The following CSRNP1 variants were observed in gnomAD, a reference collection of about 807,000 sequenced individuals.
CSRNP1 encodes the protein cysteine and serine rich nuclear protein 1, also known as cysteine/serine-rich nuclear protein 1.
A neutral mutation model predicts 25.0 loss-of-function variants in CSRNP1; 8 were observed. That is an observed-to-expected ratio of 0.32 (90% confidence interval 0.19 to 0.58). The LOEUF is 0.58. Among genes scored for constraint, CSRNP1 ranks in the 20% least tolerant of loss-of-function variants. CSRNP1 has a pLI of 0.88. For synonymous variants in CSRNP1, 305 were observed against 303.1 expected (o/e 1.01, Z -0.06); for missense variants, 691 against 773.1 (o/e 0.89, Z 1.26).
rs13084580 is a variant in CSRNP1 at position 39,146,691 on chromosome 3, C to T, written c.-9G>A. The T allele has an allele frequency of 0.11, 171,181 of 1,556,642 alleles. 9,959 individuals carry two copies. Among genetic ancestry groups the T allele is most frequent in the Admixed American group, 0.17 (8,610 of 51,630 alleles). On this transcript the variant is annotated 5_prime_UTR_variant, in exon 2 of 5. Transcript: ENST00000273153. ...TTCAACAGCCCAGTCATGGTGGTGC[C>T]GGACGTGCTCTGGGGTCTGGGGACA...
chr3:39,145,335 G>A, intron 2 of CSRNP1, 79 bp from the exon 3 acceptor site: 1 of 1,456,074 alleles, frequency 6.9e-7, no homozygotes, highest in Non-Finnish European at 9.2e-7. Flanking sequence ...ATGCCAGACT[G>A]CCCTCCCGCC....
Position 39,143,635 on chromosome 3 carries a change from A to C in CSRNP1, c.1190T>G (p.Phe397Cys), listed in dbSNP as rs1345154673. The change falls in exon 5 of 5, where the codon TTC becomes TGC. Residue 397 changes from phenylalanine to cysteine, a missense_variant. By Grantham distance (205) the Phe-to-Cys change is radical (BLOSUM62 -2). Coordinates refer to ENST00000273153, the MANE Select transcript of CSRNP1 (RefSeq NM_033027.4). ...CTCCCCACCGAAGTCAGAGTCACTG[A>C]AACTCAAGATGCGTGCCAGGCTGTC... ...DDDSLARILSFSDSDFGGEEE... is the reference protein window; with the variant it reads ...DDDSLARILSCSDSDFGGEEE... 1 of 1,614,054 alleles carries C rather than the reference A, an allele frequency of 6.2e-7. No homozygotes were observed. The highest frequency in any genetic ancestry group is 1.3e-5 in the African/African-American group (1 of 74,912).
intron 1 of CSRNP1, chr3:39,148,440 C>A (rs1206069172): frequency 6.5e-6 from 1 of 152,976 alleles, no homozygotes; most frequent in Non-Finnish European, 1.5e-5. Context: ...TGCCAAGAGA[C>A]CCCATCCTTT....
chr3:39,145,156 A>T lies in CSRNP1; in HGVS notation c.306T>A (p.Ser102Arg). ...FYFPRCQGFT[S>R]VPSRGGCTLG... ...GAGTACAGCCACCACGGCTGGGCAC[A>T]CTGGTGAAGCCCTGGCAGCGGGGGA... Residue 102 changes from serine (S) to arginine (R), a missense_variant, in exon 3 of 5, where the codon AGT (serine) becomes AGA (arginine). Ser to Arg is a moderately radical substitution (Grantham distance 110, BLOSUM62 -1). Coordinates refer to ENST00000273153, the MANE Select transcript of CSRNP1 (RefSeq NM_033027.4). 6.2e-7 allele frequency: 1 copy of T among 1,614,288 alleles called. No individual in the cohort carries two copies. The highest frequency in any genetic ancestry group is 8.5e-7 in the Non-Finnish European group (1 of 1,180,048).
chr3:39,142,165 T>C lies in CSRNP1; in HGVS notation c.*890A>G, dbSNP rs111298629. ...TGCCCAGAAAGCCCTGAGATAATAG[T>C]CTGGGGCATGGTTCGCGCCCCGAGG... On this transcript the variant is annotated 3_prime_UTR_variant, in exon 5 of 5. Coordinates refer to ENST00000273153, the MANE Select transcript of CSRNP1 (RefSeq NM_033027.4). The C allele has an allele frequency of 4.6e-5, 7 of 152,450 alleles. No individual in the cohort carries two copies. Among genetic ancestry groups the C allele is most frequent in the African/African-American group, 1.7e-4 (7 of 41,582 alleles). 9.4% of individuals were successfully genotyped at this position (152,450 alleles called of 1,614,324 possible).
intron 1 of CSRNP1, among the ~76,000 whole-genome samples, chr3:39,147,176 A>G (rs985532970): frequency 1.3e-5 from 2 of 151,840 alleles, no homozygotes; most frequent in African/African-American, 4.8e-5. Context: ...GCTGACTCAC[A>G]GGCTGGGTGA....
chr3:39,145,328 C>G lies in CSRNP1; in HGVS notation c.206-72G>C. On this transcript the variant is annotated intron_variant, in intron 2 of 4. Coordinates refer to ENST00000273153, the MANE Select transcript of CSRNP1 (RefSeq NM_033027.4). ...ACAACTTACCTCCAAAAAGATCATG[C>G]CAGACTGCCCTCCCGCCTCCCACCT... is the stretch of plus-strand genomic sequence containing the variant. The G allele has an allele frequency of 2.0e-6, 3 of 1,484,172 alleles. No homozygotes were observed. In the South Asian group the frequency reaches 4.1e-5, roughly 20 times the overall value. 91.9% of individuals were successfully genotyped at this position (1,484,172 alleles called of 1,614,324 possible). A position where few individuals can be genotyped will look rare whatever the true frequency, so the allele number is the denominator to read the frequency against.
intron 1 of CSRNP1, among the ~76,000 whole-genome samples, chr3:39,147,223 GTGTGTGTGTGTGTA>G (rs1468678151): frequency 8.6e-5 from 13 of 150,310 alleles, no homozygotes; most frequent in Non-Finnish European, 1.3e-4. Flanking sequence ...GTGTGTGTGT[GTGTGTGTGTGTGTA>G]TGTGTGTGTG....
rs1001697783 is a variant in CSRNP1, at chr3:39,143,109, G to A, written c.1716C>T (p.Asp572=). Residue 572 remains aspartate, a synonymous_variant, in exon 5 of 5, where the codon GAC becomes GAT. Coordinates refer to ENST00000273153, the MANE Select transcript of CSRNP1 (RefSeq NM_033027.4). ...CTGGGACAGTGTCCTCAAACTGGCT[G>A]TCAATAAAGGGATCTAGGGCTTCGG... ...PAAEALDPFI[D]SQFEDTVPAS... is the part of the protein sequence containing the mutation. 1 of 1,611,268 alleles carries A rather than the reference G, an allele frequency of 6.2e-7. No homozygotes were observed.
In CSRNP1 at chr3:39,144,017, AG is replaced by A. The variant is rs2039463653; in HGVS notation, c.807del (p.Cys270AlafsTer70). The A allele has an allele frequency of 6.2e-7, 1 of 1,612,734 alleles. No individual in the cohort carries two copies. The highest frequency in any genetic ancestry group is 1.3e-5 in the African/African-American group (1 of 74,928). ...GGGTTCTCACAGCCCTCCCTGCAGC[AG>A]CCACAGGGGAATGCTGTGTGGTCCA... ...CQMDHTAFPC[G>X]CCREGCENPM... On this transcript the variant is annotated frameshift_variant, in exon 5 of 5. Coordinates refer to ENST00000273153, the MANE Select transcript of CSRNP1 (RefSeq NM_033027.4). LOFTEE classifies it low-confidence loss of function (END_TRUNC).
At chr3:39,149,303 G>A (rs1245423021) in intron 1 of CSRNP1, 1 of 152,168 alleles carries the variant, frequency 6.6e-6, no homozygotes, top group African/African-American at 2.4e-5. Context: ...AGGACACCCT[G>A]GAGAGAGTCA....
Position 39,142,886 on chromosome 3 carries a change from G to A in CSRNP1, c.*169C>T. ...CCAGTCCTCTCTTCAGCACAGAAAA[G>A]TTAAAACAAATAAATAAATCCAGAG... On this transcript the variant is annotated 3_prime_UTR_variant, in exon 5 of 5. Coordinates refer to ENST00000273153, the MANE Select transcript of CSRNP1 (RefSeq NM_033027.4). 1.2e-6 allele frequency: 1 copy of A among 823,792 alleles called. No homozygotes were observed. Among genetic ancestry groups the A allele is most frequent in the South Asian group, 2.1e-5 (1 of 47,106 alleles). 51.0% of individuals were successfully genotyped at this position (823,792 alleles called of 1,614,324 possible).
chr3:39,151,023 C>A (rs1198859006), intron 1 of CSRNP1: 1 of 152,138 alleles, frequency 6.6e-6, no homozygotes, highest in Non-Finnish European at 1.5e-5. Flanking sequence ...GAGCCAGAGA[C>A]AAGGAGAGGC....
rs1463426097 is a variant in CSRNP1 at position 39,143,075 on chromosome 3, T to C, written c.1750A>G (p.Met584Val). 1.3e-6 allele frequency: 2 copies of C among 1,593,234 alleles called. No homozygotes were observed. The highest frequency in any genetic ancestry group is 1.7e-5 in the Admixed American group (1 of 58,208). Residue 584 changes from methionine to valine, a missense_variant, in exon 5 of 5, where the codon ATG (methionine) becomes GTG (valine). Transcript: ENST00000273153. ...QFEDTVPASLMEPVPV is the reference protein window; with the variant it reads ...QFEDTVPASLVEPVPV ...GGTCCTCACACCGGCACAGGCTCCA[T>C]TAGAGATGCTGGGACAGTGTCCTCA... is the stretch of plus-strand genomic sequence containing the variant.
chr3:39,153,539 TC>T lies in CSRNP1; in HGVS notation c.-143del. The stretch of plus-strand genomic sequence containing the variant: ...GTGCGCTCGGCCCGGCAGCCGTCGG[TC>T]CAGCCGCCCCTCGCTCTGCGCGTCC... On this transcript the variant is annotated 5_prime_UTR_variant, in exon 1 of 5. Coordinates refer to ENST00000273153, the MANE Select transcript of CSRNP1 (RefSeq NM_033027.4). 5.7e-6 allele frequency: 1 copy of T among 176,702 alleles called. No individual in the cohort carries two copies. Among genetic ancestry groups the T allele is most frequent in the South Asian group, 7.7e-5 (1 of 13,022 alleles). 10.9% of individuals were successfully genotyped at this position (176,702 alleles called of 1,614,324 possible).
Position 39,142,301 on chromosome 3 carries a change from AG to A in CSRNP1, c.*753del. On this transcript the variant is annotated 3_prime_UTR_variant, in exon 5 of 5. Transcript: ENST00000273153. ...GAAGGGGGAAGATGGAACAGAGGGC[AG>A]GAAGTGGAGGGGGCAGGGTGGGGCA... 1 of 152,522 alleles carries A rather than the reference AG, an allele frequency of 6.6e-6. No homozygotes were observed. Among genetic ancestry groups the A allele is most frequent in the South Asian group, 2.1e-4 (1 of 4,836 alleles). 9.4% of individuals were successfully genotyped at this position (152,522 alleles called of 1,614,324 possible).
chr3:39,146,166 T>G (rs1559732268), intron 2 of CSRNP1, among the ~76,000 whole-genome samples: 2 of 152,152 alleles, frequency 1.3e-5, no homozygotes. Context: ...GCAGTTCCAT[T>G]TGTAGGACGG....
intron 1 of CSRNP1, chr3:39,149,951 G>A (rs776621736): frequency 1.3e-5 from 2 of 152,266 alleles, no homozygotes; most frequent in African/African-American, 2.4e-5. Flanking sequence ...CCAGTGTGAC[G>A]GTATTTGGAG....
chr3:39,145,506 T>C (rs2039496459), intron 2 of CSRNP1, among the ~76,000 whole-genome samples: 1 of 152,264 alleles, frequency 6.6e-6, no homozygotes. Context: ...TTCGTAAGAT[T>C]AAACATCTTT....
Sources: allele counts gnomAD v4.1 joint callset (sites outside exome capture counted in the v4.1 genomes callset), GRCh38; gene constraint gnomAD v4.1.1; transcripts MANE v1.5; gene names NCBI Gene and HGNC (gene_info 2026-07-23, HGNC 2026-07-21).